Variants in HPSE2 observed in about 807,000 individuals in gnomAD.
The protein encoded by HPSE2 is inactive heparanase-2.
In HPSE2, 38 loss-of-function variants were observed where a neutral mutation model predicts 60.5. That is an observed-to-expected ratio of 0.63 (90% CI 0.48 to 0.82). HPSE2 has a LOEUF of 0.82. Among genes scored for constraint, HPSE2 ranks in the 40% least tolerant of loss-of-function variants. The probability of loss-of-function intolerance (pLI) is 0.00; values close to 1 mark genes in which losing one functional copy is unlikely to be tolerated. For missense variants in HPSE2, 713 were observed against 740.4 expected, an observed-to-expected ratio of 0.96 and a Z score of 0.43; for synonymous variants, 295 against 293.2, an observed-to-expected ratio of 1.01 and a Z score of -0.06.
rs76449041 is a variant in HPSE2, at chr10:98,746,978, T to C, written c.611-2922A>G. ...ACTGGCAATATTGGATAATTATATA[T>C]CTACAACTCAATAGTCATTCTAATA... On this transcript the variant is annotated intron_variant, in intron 3 of 11. Transcript: ENST00000370552. Among the ~76,000 whole-genome samples, 1,369 of 152,102 alleles carry C rather than the reference T, an allele frequency of 9.0e-3. 18 individuals carry two copies. The highest frequency in any genetic ancestry group is 0.031 in the African/African-American group (1,269 of 41,560).
chr10:98,871,858 T>C (rs1708345118), intron 3 of HPSE2, among the ~76,000 whole-genome samples: 1 of 152,138 alleles, frequency 6.6e-6, no homozygotes, highest in Non-Finnish European at 1.5e-5. Context: ...CTGTATCTAC[T>C]GTGAAAACAG....
At chr10:98,473,161 C>T (rs929866914) in intron 11 of HPSE2, among the ~76,000 whole-genome samples, 1 of 152,008 alleles carries the variant, frequency 6.6e-6, no homozygotes, top group Non-Finnish European at 1.5e-5. Context: ...CCATCTCAGA[C>T]CTCTTCAACT....
chr10:98,817,670 C>T (rs975237258), intron 3 of HPSE2, among the ~76,000 whole-genome samples: 1 of 152,194 alleles, frequency 6.6e-6, no homozygotes, highest in Non-Finnish European at 1.5e-5. Context: ...TTGCTGACTT[C>T]CCTTCTACTC....
chr10:99,247,919 A>G, the HPSE2 span, among the ~76,000 whole-genome samples: 2 of 152,188 alleles, frequency 1.3e-5, no homozygotes, highest in African/African-American at 4.8e-5. Flanking sequence ...AGACATGCCT[A>G]CTTCCACTTC....
intron 3 of HPSE2, among the ~76,000 whole-genome samples, chr10:99,072,573 A>G (rs568095950): frequency 6.6e-6 from 1 of 152,342 alleles, no homozygotes; most frequent in African/African-American, 2.4e-5. Flanking sequence ...ACTGATCATT[A>G]GAGAAATGCA....
intron 9 of HPSE2, among the ~76,000 whole-genome samples, chr10:98,539,389 T>C (rs763607276): frequency 6.6e-6 from 1 of 152,032 alleles, no homozygotes; most frequent in Non-Finnish European, 1.5e-5. Flanking sequence ...GGCGTGGTGG[T>C]GCATGCCTGT....
chr10:98,876,024 C>T (rs1329852774), intron 3 of HPSE2, among the ~76,000 whole-genome samples: 1 of 151,822 alleles, frequency 6.6e-6, no homozygotes, highest in Non-Finnish European at 1.5e-5. Flanking sequence ...TGTCTCTTTG[C>T]TGTCATTTGT....
At chr10:98,835,868 C>T (rs1951779085) in intron 3 of HPSE2, among the ~76,000 whole-genome samples, 1 of 152,076 alleles carries the variant, frequency 6.6e-6, no homozygotes, top group African/African-American at 2.4e-5. Flanking sequence ...TATGGGAGGC[C>T]ATTGTTTTGG....
chr10:98,888,157 C>CACAT (rs1193760742), intron 3 of HPSE2, among the ~76,000 whole-genome samples: 8 of 151,226 alleles, frequency 5.3e-5, no homozygotes, highest in African/African-American at 1.9e-4. Flanking sequence ...CACACACACA[C>CACAT]ACACACACAC....
chr10:98,719,104 C>T (rs1262120149), intron 5 of HPSE2, among the ~76,000 whole-genome samples: 3 of 152,108 alleles, frequency 2.0e-5, no homozygotes, highest in Admixed American at 1.3e-4. Flanking sequence ...CCATTCAAAT[C>T]ATTATTTATA....
intron 6 of HPSE2, among the ~76,000 whole-genome samples, chr10:98,680,513 C>T (rs1275967103): frequency 6.6e-6 from 1 of 152,146 alleles, no homozygotes; most frequent in Non-Finnish European, 1.5e-5. Flanking sequence ...TAGCACAAAT[C>T]AAGTCAGGAA....
At chr10:98,721,549 C>T in intron 5 of HPSE2, 108 bp downstream of exon 5, 2 of 1,162,300 alleles carry the variant, frequency 1.7e-6, no homozygotes, top group Admixed American at 2.3e-5. Flanking sequence ...CTCCTTTTTT[C>T]TTAAGACCAA....
chr10:98,547,346 A>C (rs1244718048), intron 9 of HPSE2, among the ~76,000 whole-genome samples: 1 of 148,412 alleles, frequency 6.7e-6, no homozygotes, highest in Non-Finnish European at 1.5e-5. Flanking sequence ...CTATAAAGAC[A>C]CATGCACACG....
At chr10:98,790,069 C>CA (rs1950623303) in intron 3 of HPSE2, among the ~76,000 whole-genome samples, 1 of 151,896 alleles carries the variant, frequency 6.6e-6, no homozygotes, top group African/African-American at 2.4e-5. Flanking sequence ...GAGAGAAAGT[C>CA]AGAGAATGAT....
chr10:98,656,326 C>T (rs1947062223), intron 6 of HPSE2, among the ~76,000 whole-genome samples: 1 of 152,176 alleles, frequency 6.6e-6, no homozygotes, highest in Non-Finnish European at 1.5e-5. Flanking sequence ...ACCTCGTGAT[C>T]CACTTGCCTC....
intron 3 of HPSE2, among the ~76,000 whole-genome samples, chr10:99,127,961 G>A (rs1046640370): frequency 7.9e-5 from 12 of 152,090 alleles, no homozygotes; most frequent in African/African-American, 2.7e-4. Context: ...CCACTACCAA[G>A]CCAGCACTAC....
chr10:98,522,749 A>G (rs1039376319), intron 9 of HPSE2, among the ~76,000 whole-genome samples: 2 of 152,202 alleles, frequency 1.3e-5, no homozygotes, highest in African/African-American at 4.8e-5. Flanking sequence ...AACTGTTGGG[A>G]TTACAGGCGT....
chr10:99,305,979 G>GCGCACACACACA, the HPSE2 span, among the ~76,000 whole-genome samples: 2,061 of 80,396 alleles, frequency 0.026, 56 homozygotes, highest in Non-Finnish European at 0.034. Context: ...GCGCGCGCGC[G>GCGCACACACACA]CACACACACA....
chr10:98,493,963 C>A (rs974802513), intron 9 of HPSE2, among the ~76,000 whole-genome samples: 1 of 151,998 alleles, frequency 6.6e-6, no homozygotes, highest in Admixed American at 6.6e-5. Flanking sequence ...TAACTATTTT[C>A]TTTGTGGTTA....
Sources: allele counts gnomAD v4.1 joint callset (sites outside exome capture counted in the v4.1 genomes callset), GRCh38; gene constraint gnomAD v4.1.1; transcripts MANE v1.5; gene names NCBI Gene and HGNC (gene_info 2026-07-23, HGNC 2026-07-21).